NAV3: variants seen among roughly 807,000 people sequenced by gnomAD.
NAV3 encodes neuron navigator 3.
In NAV3, 87 loss-of-function variants were observed where a neutral mutation model predicts 244.7. That is an observed-to-expected ratio of 0.36 (90% CI 0.30 to 0.42). The LOEUF is 0.42. NAV3 is among the 20% of genes least tolerant of loss of function. The pLI is 1.00. For synonymous variants in NAV3, 1,126 were observed against 1,042.2 expected (o/e 1.08, Z -1.55); for missense variants, 2,663 against 2,893.3 (o/e 0.92, Z 1.83).
chr12:77,912,869 C>T (rs1239682992), intron 1 of NAV3, among the ~76,000 whole-genome samples: 2 of 152,100 alleles, frequency 1.3e-5, no homozygotes, highest in Non-Finnish European at 2.9e-5. Flanking sequence ...GCCTTGGCCT[C>T]CCAAAGTGCT....
Position 77,831,339 on chromosome 12 carries a change from A to T in NAV3, c.-123A>T. 1 of 1,049,562 alleles carries T rather than the reference A, an allele frequency of 9.5e-7. No homozygotes were observed. The highest frequency in any genetic ancestry group is 1.3e-6 in the Non-Finnish European group (1 of 761,476). The allele number at this position is 1,049,562 out of a possible 1,614,324, so 65.0% of individuals were successfully genotyped here. On this transcript the variant is annotated 5_prime_UTR_variant, in exon 1 of 40. Coordinates refer to ENST00000397909, the MANE Select transcript of NAV3 (RefSeq NM_001024383.2). ...CTGAAAATTATATTATTAGCTTTTT[A>T]AAAATCAGGATGACTGCTAGTTTTG...
chr12:77,656,945 A>T (rs1184413446), intron 2 of NAV3, among the ~76,000 whole-genome samples: 4 of 152,198 alleles, frequency 2.6e-5, no homozygotes, highest in Non-Finnish European at 5.9e-5. Context: ...AATCTCTGGG[A>T]CACATTCAAA....
intron 2 of NAV3, among the ~76,000 whole-genome samples, chr12:77,657,084 C>T (rs1311512453): frequency 6.6e-6 from 1 of 151,914 alleles, no homozygotes; most frequent in Non-Finnish European, 1.5e-5. Context: ...CAAAAGCTAG[C>T]AGGGGCAGAA....
intron 2 of NAV3, among the ~76,000 whole-genome samples, chr12:77,700,527 T>C (rs763139950): frequency 1.3e-5 from 2 of 152,196 alleles, no homozygotes; most frequent in African/African-American, 2.4e-5. Context: ...ATTCTTCCTG[T>C]ATCACTGTAC....
At chr12:78,004,306 T>C (rs1479359387) in intron 7 of NAV3, among the ~76,000 whole-genome samples, 1 of 152,134 alleles carries the variant, frequency 6.6e-6, no homozygotes, top group East Asian at 1.9e-4. Flanking sequence ...TATTTGGTTA[T>C]GGTGGAGTTG....
chr12:78,163,529 C>A (rs183393462), intron 23 of NAV3, among the ~76,000 whole-genome samples: 2 of 152,140 alleles, frequency 1.3e-5, no homozygotes, highest in African/African-American at 2.4e-5. Flanking sequence ...GATCATGCCA[C>A]TGCACTCCAG....
At chr12:78,106,866 C>G (rs969044918) in intron 12 of NAV3, among the ~76,000 whole-genome samples, 2 of 152,202 alleles carry the variant, frequency 1.3e-5, no homozygotes, top group African/African-American at 4.8e-5. Flanking sequence ...CCACCTGACA[C>G]TGCAGTCCTC....
At chr12:77,882,439 AT>A (rs2136629149) in intron 1 of NAV3, among the ~76,000 whole-genome samples, 1 of 152,276 alleles carries the variant, frequency 6.6e-6, no homozygotes, top group South Asian at 2.1e-4. Flanking sequence ...CTCAAAATGG[AT>A]TAACGACTTA....
At chr12:78,049,249 C>T (rs1293180461) in intron 9 of NAV3, among the ~76,000 whole-genome samples, 13 of 152,072 alleles carry the variant, frequency 8.5e-5, no homozygotes, top group Non-Finnish European at 1.9e-4. Context: ...ACTGGCATTC[C>T]AGGTGCTACT....
chr12:77,652,735 T>C (rs913439088), intron 2 of NAV3, among the ~76,000 whole-genome samples: 2 of 152,210 alleles, frequency 1.3e-5, no homozygotes, highest in Non-Finnish European at 2.9e-5. Flanking sequence ...GATCCATCTT[T>C]AGTAAAATAA....
chr12:77,866,573 A>G lies in NAV3; in HGVS notation c.243+34869A>G, dbSNP rs9630282. Among the ~76,000 whole-genome samples, 988 of 152,336 alleles carry G rather than the reference A, an allele frequency of 6.5e-3. 11 individuals carry two copies. Among genetic ancestry groups the G allele is most frequent in the African/African-American group, 0.023 (949 of 41,578 alleles). ...TCAAGACTAATAAATAAGATTTTAT[A>G]GTTTAATTACAATCACACATGAATT... On this transcript the variant is annotated intron_variant, in intron 1 of 39. Coordinates refer to ENST00000397909, the MANE Select transcript of NAV3 (RefSeq NM_001024383.2).
chr12:78,210,077 C>T (rs564948366), intron 39 of NAV3, among the ~76,000 whole-genome samples: 3 of 152,270 alleles, frequency 2.0e-5, no homozygotes, highest in East Asian at 1.9e-4. Flanking sequence ...GGAAGCTTGG[C>T]GTACTTTCCA....
chr12:77,817,223 G>C (rs1872560039), intron 2 of NAV3, among the ~76,000 whole-genome samples: 1 of 152,172 alleles, frequency 6.6e-6, no homozygotes, highest in Non-Finnish European at 1.5e-5. Context: ...ATGGGAAAGA[G>C]AAAATGAGAG....
intron 37 of NAV3, among the ~76,000 whole-genome samples, chr12:78,199,812 T>TC (rs1338772766): frequency 6.6e-6 from 1 of 151,978 alleles, no homozygotes; most frequent in African/African-American, 2.4e-5. Context: ...ATGAATAGTA[T>TC]CGATTTAGGA....
chr12:77,712,803 T>G (rs1296946744), intron 2 of NAV3, among the ~76,000 whole-genome samples: 4 of 152,198 alleles, frequency 2.6e-5, no homozygotes, highest in Non-Finnish European at 4.4e-5. Context: ...ACAAAAGAAA[T>G]TCATACAAAC....
chr12:77,681,323 A>T (rs1367566672), intron 2 of NAV3, among the ~76,000 whole-genome samples: 1 of 152,224 alleles, frequency 6.6e-6, no homozygotes, highest in Non-Finnish European at 1.5e-5. Context: ...TATATTGGTG[A>T]TGTTAAATAT....
At chr12:77,917,349 CATT>C (rs1221546875) in intron 1 of NAV3, among the ~76,000 whole-genome samples, 2 of 151,950 alleles carry the variant, frequency 1.3e-5, no homozygotes, top group Non-Finnish European at 2.9e-5. Flanking sequence ...CCCTTCTCTT[CATT>C]ATTATTTTAA....
intron 9 of NAV3, among the ~76,000 whole-genome samples, chr12:78,023,343 T>C (rs2731417): frequency 0.2 from 30,635 of 152,150 alleles, 3,793 homozygotes; most frequent in East Asian, 0.35. Context: ...CTTTTTCATT[T>C]TTCCAGTTGA....
At position 77,816,455 on chromosome 12, in the gene NAV3, T is replaced by C. The variant is rs376402001; in HGVS notation, c.73-123864T>C. Among the ~76,000 whole-genome samples, 297 of 152,338 alleles carry C rather than the reference T, an allele frequency of 1.9e-3. 2 individuals carry two copies. The highest frequency in any genetic ancestry group is 6.7e-3 in the African/African-American group (280 of 41,586). On this transcript the variant is annotated intron_variant, in intron 2 of 8. Transcript: ENST00000550042. ...GATGAAGTCATTTGACTCTCTTTCC[T>C]TTGAGTTAATTATTAAGTACTATCC...
Sources: allele counts gnomAD v4.1 joint callset (sites outside exome capture counted in the v4.1 genomes callset), GRCh38; gene constraint gnomAD v4.1.1; transcripts MANE v1.5; gene names NCBI Gene and HGNC (gene_info 2026-07-23, HGNC 2026-07-21).